GALNT16: variants seen among roughly 807,000 people sequenced by gnomAD.
The protein encoded by GALNT16 is polypeptide N-acetylgalactosaminyltransferase 16.
In GALNT16, 40 loss-of-function variants were observed where a neutral mutation model predicts 76.1. The ratio of observed to expected loss-of-function variants is 0.53; its 90% CI spans 0.41 to 0.68. GALNT16 has a LOEUF of 0.68. Among genes scored for constraint, GALNT16 ranks in the 30% least tolerant of loss-of-function variants. The pLI is 0.00. For missense variants in GALNT16, 621 were observed against 731.9 expected (o/e 0.85, Z 1.75); for synonymous variants, 276 against 285.2 (o/e 0.97, Z 0.32).
In GALNT16 at chr14:69,260,173, T is replaced by C. The variant is rs1449436979; in HGVS notation, c.-118T>C. On this transcript the variant is annotated 5_prime_UTR_variant, in exon 1 of 15. Transcript: ENST00000448469. ...CCCCACCTCTCTCCTTTTTCTGCTCTGCAGGACTGAGCAGCTAGGCGCGAG... is the reference window on the plus strand; with the variant it reads ...CCCCACCTCTCTCCTTTTTCTGCTCCGCAGGACTGAGCAGCTAGGCGCGAG... 1.1e-5 allele frequency: 4 copies of C among 358,462 alleles called. No individual in the cohort carries two copies. The highest frequency in any genetic ancestry group is 7.9e-5 in the African/African-American group (3 of 38,124). 22.2% of individuals were successfully genotyped at this position (358,462 alleles called of 1,614,324 possible). A position where few individuals can be genotyped will look rare whatever the true frequency, so the allele number is the denominator to read the frequency against.
chr14:69,333,396 G>A lies in GALNT16; in HGVS notation c.864-101G>A, dbSNP rs1366515703. On this transcript the variant is annotated intron_variant, in intron 8 of 14. Coordinates refer to ENST00000448469, the MANE Select transcript of GALNT16 (RefSeq NM_001168368.2). This position sits in a 1 kb window ranked among gnomAD's most constrained non-coding sequence, Gnocchi z 4.2. ...ACATCCTGCCCCAGTGACTCTGCAG[G>A]GAGGGATCTAGAGGCAGACGGTCTT... is the stretch of plus-strand genomic sequence containing the variant. The A allele has an allele frequency of 9.1e-6, 7 of 767,546 alleles. No homozygotes were observed. Among genetic ancestry groups the A allele is most frequent in the Non-Finnish European group, 1.6e-5 (7 of 438,794 alleles). 47.5% of individuals were successfully genotyped at this position (767,546 alleles called of 1,614,324 possible). A position where few individuals can be genotyped will look rare whatever the true frequency, so the allele number is the denominator to read the frequency against.
At chr14:69,324,834 G>A (rs747530143) in intron 3 of GALNT16, 44 bp downstream of exon 3, 1 of 1,315,074 alleles carries the variant, frequency 7.6e-7, no homozygotes, top group Non-Finnish European at 1.1e-6. Context: ...TGCTGGCAGG[G>A]GAGGACATTG....
At position 69,352,982 on chromosome 14, in the gene GALNT16, A is replaced by G. The variant is rs2045657496; in HGVS notation, c.*814A>G. On this transcript the variant is annotated 3_prime_UTR_variant, in exon 15 of 15. Transcript: ENST00000448469. ...GGAAGATTCGGGCGTAGTTTATTAA[A>G]CAGACTCCACTTCTATTTGGCCATG... Among the ~76,000 whole-genome samples the G allele has an allele frequency of 6.6e-6, 1 of 152,084 alleles. No homozygotes were observed. The highest frequency in any genetic ancestry group is 1.5e-5 in the Non-Finnish European group (1 of 68,016).
At chr14:69,359,948 C>A (rs1194290283), downstream of GALNT16, among the ~76,000 whole-genome samples, 1 of 151,990 alleles carries the variant, frequency 6.6e-6, no homozygotes, top group Non-Finnish European at 1.5e-5. Context: ...TCACTTGAAC[C>A]CAGGAGGCAG....
the GALNT16 span, among the ~76,000 whole-genome samples, chr14:69,367,334 G>A: frequency 6.6e-6 from 1 of 152,138 alleles, no homozygotes; most frequent in Admixed American, 6.5e-5. Context: ...GCTCTTGGGA[G>A]GTGATTAAGT....
At chr14:69,266,720 A>G (rs1484056278) in intron 1 of GALNT16, among the ~76,000 whole-genome samples, 2 of 152,146 alleles carry the variant, frequency 1.3e-5, no homozygotes, top group Admixed American at 6.5e-5. Context: ...GGAAAGGGAG[A>G]AAAAAGACTC....
chr14:69,381,324 T>C, the GALNT16 span, among the ~76,000 whole-genome samples: 1 of 152,218 alleles, frequency 6.6e-6, no homozygotes, highest in Non-Finnish European at 1.5e-5. Flanking sequence ...TTATTCTGAA[T>C]TAACTAAAAA....
chr14:69,367,423 TACA>T, the GALNT16 span, among the ~76,000 whole-genome samples: 2 of 151,330 alleles, frequency 1.3e-5, no homozygotes, highest in African/African-American at 4.9e-5. Flanking sequence ...CATGTGAGGG[TACA>T]ACAAGAAGGT....
upstream of GALNT16, chr14:69,259,813 C>G (rs2044234626): frequency 6.2e-6 from 1 of 161,536 alleles, no homozygotes; most frequent in Non-Finnish European, 1.3e-5. Flanking sequence ...TGTGGGTCGG[C>G]AGGACCGACC....
chr14:69,284,651 T>A (rs1237362310), intron 1 of GALNT16, among the ~76,000 whole-genome samples: 2 of 152,186 alleles, frequency 1.3e-5, no homozygotes, highest in Non-Finnish European at 2.9e-5. Flanking sequence ...ACTAGCTGTG[T>A]GAACATGGGC....
At chr14:69,266,626 C>T (rs74059930) in intron 1 of GALNT16, among the ~76,000 whole-genome samples, 16,786 of 152,242 alleles carry the variant, frequency 0.11, 1,459 homozygotes, top group African/African-American at 0.24. Flanking sequence ...CTCACAGAAC[C>T]ATCCAACATG....
rs147334035 is a variant in GALNT16 at position 69,328,472 on chromosome 14, T to C, written c.591T>C (p.Arg197=). The change falls in exon 6 of 15, where the codon CGT becomes CGC. Residue 197 remains arginine, a synonymous_variant. Transcript: ENST00000448469. The stretch of plus-strand genomic sequence containing the variant: ...TAGGGCTGATCCGGTCCCGAGTGCG[T>C]GGGGCGGACGTGGCTGCAGCTACCG... ...RREGLIRSRV[R]GADVAAATVL... 8.7e-6 allele frequency: 14 copies of C among 1,613,984 alleles called. No individual in the cohort carries two copies. The highest frequency in any genetic ancestry group is 1.3e-5 in the African/African-American group (1 of 75,002).
rs1594802323 is a variant in GALNT16, at chr14:69,260,223, A to C, written c.-68A>C. On this transcript the variant is annotated 5_prime_UTR_variant, in exon 1 of 15. Coordinates refer to ENST00000448469, the MANE Select transcript of GALNT16 (RefSeq NM_001168368.2). ...GCGAAAACAAACAGCTGGGGCTGCG[A>C]GCGCCCCCGCCCCGGCCCCGAGAGC... 6 of 1,156,294 alleles carry C rather than the reference A, an allele frequency of 5.2e-6. No individual in the cohort carries two copies. In the East Asian group the frequency reaches 2.3e-4, roughly 44 times the overall value. 71.6% of individuals were successfully genotyped at this position (1,156,294 alleles called of 1,614,324 possible).
At chr14:69,297,903 C>A (rs1052544819) in intron 1 of GALNT16, among the ~76,000 whole-genome samples, 43 of 152,142 alleles carry the variant, frequency 2.8e-4, no homozygotes, top group Admixed American at 1.4e-3. Flanking sequence ...GTCTTACATA[C>A]TTTATGTGCT....
At chr14:69,356,195 C>T (rs1022149573), downstream of GALNT16, 6 of 152,216 alleles carry the variant, frequency 3.9e-5, no homozygotes, top group Non-Finnish European at 5.9e-5. Flanking sequence ...AGGGGAGGGC[C>T]TACTCTCCTG....
At chr14:69,273,526 C>T (rs1397436267) in intron 1 of GALNT16, among the ~76,000 whole-genome samples, 2 of 152,196 alleles carry the variant, frequency 1.3e-5, no homozygotes, top group Non-Finnish European at 2.9e-5. Flanking sequence ...CTTGTATTTA[C>T]TAATCCTGCA....
chr14:69,297,342 T>C (rs1021937784), intron 1 of GALNT16, among the ~76,000 whole-genome samples: 5 of 152,252 alleles, frequency 3.3e-5, no homozygotes, highest in African/African-American at 1.2e-4. Flanking sequence ...ATAATAGTTC[T>C]GTTTTTTAGC....
In GALNT16 at chr14:69,261,492, C is replaced by G. The variant is rs1052049023; in HGVS notation, c.177+1025C>G. Among the ~76,000 whole-genome samples, 1 of 150,510 alleles carries G rather than the reference C, an allele frequency of 6.6e-6. No homozygotes were observed. Among genetic ancestry groups the G allele is most frequent in the African/African-American group, 2.5e-5 (1 of 40,744 alleles). The stretch of plus-strand genomic sequence containing the variant: ...AACTACCAGGGCGGGGCAGCCTGGC[C>G]GGATGAGGACCAGGAAGAGGAGAGC... On this transcript the variant is annotated intron_variant, in intron 1 of 14. Coordinates refer to ENST00000448469, the MANE Select transcript of GALNT16 (RefSeq NM_001168368.2). The surrounding 1 kb of genome is among the most constrained non-coding windows in gnomAD (Gnocchi z 6.4).
intron 1 of GALNT16, among the ~76,000 whole-genome samples, chr14:69,267,328 C>A (rs910233229): frequency 1.3e-5 from 2 of 152,108 alleles, no homozygotes; most frequent in Admixed American, 6.5e-5. Context: ...AAAGAGGGGG[C>A]GACTGGAAGA....
Sources: allele counts gnomAD v4.1 joint callset (sites outside exome capture counted in the v4.1 genomes callset), GRCh38; gene constraint gnomAD v4.1.1; non-coding constraint Gnocchi (gnomAD v3.1); transcripts MANE v1.5; gene names NCBI Gene and HGNC (gene_info 2026-07-23, HGNC 2026-07-21).